SIK3: variants seen among roughly 807,000 people sequenced by gnomAD.
The protein encoded by SIK3 is SIK family kinase 3.
A neutral mutation model predicts 144.2 loss-of-function variants in SIK3; 28 were observed. The ratio of observed to expected loss-of-function variants is 0.19; its 90% CI spans 0.14 to 0.27. SIK3 has a LOEUF of 0.27. Ranked by LOEUF, SIK3 falls within the 10% of genes least tolerant of loss-of-function variation. SIK3 has a pLI of 1.00. For missense variants in SIK3, 1,319 were observed against 1,776.0 expected (o/e 0.74, Z 4.62); for synonymous variants, 686 against 676.3 (o/e 1.01, Z -0.22).
intron 6 of SIK3, among the ~76,000 whole-genome samples, chr11:116,895,284 C>A (rs1004261400): frequency 6.6e-6 from 1 of 152,194 alleles, no homozygotes; most frequent in African/African-American, 2.4e-5. Flanking sequence ...CCCCGGACTG[C>A]ACAGCATTCA....
intron 1 of SIK3, among the ~76,000 whole-genome samples, chr11:117,062,838 T>C (rs1333299588): frequency 6.6e-6 from 1 of 152,150 alleles, no homozygotes; most frequent in Non-Finnish European, 1.5e-5. Flanking sequence ...ACCAATTTAA[T>C]TCCCTCAACC....
At chr11:116,932,183 C>T (rs926238029) in intron 3 of SIK3, among the ~76,000 whole-genome samples, 4 of 152,196 alleles carry the variant, frequency 2.6e-5, no homozygotes, top group African/African-American at 9.6e-5. Flanking sequence ...CCTCATTTAA[C>T]AGCAACTACC....
intron 1 of SIK3, among the ~76,000 whole-genome samples, chr11:116,974,519 C>T (rs1043176937): frequency 3.3e-5 from 5 of 152,082 alleles, no homozygotes; most frequent in East Asian, 1.9e-4. Flanking sequence ...TCCTCCCCAG[C>T]GACTGGGCCT....
chr11:116,878,381 C>CTT lies in SIK3; in HGVS notation c.866-1341_866-1340dup, dbSNP rs35807799. ...CCAAGGCTCCTACTTCTCTCTCTCC[C>CTT]TTTTTTTTTTTTTTTTACATAGAGT... On this transcript the variant is annotated intron_variant, in intron 6 of 24. Coordinates refer to ENST00000445177, the MANE Select transcript of SIK3 (RefSeq NM_001366686.3). Among the ~76,000 whole-genome samples, 420 of 144,282 alleles carry CTT rather than the reference C, an allele frequency of 2.9e-3. 2 individuals are homozygous for CTT. Among genetic ancestry groups the CTT allele is most frequent in the Non-Finnish European group, 3.7e-3 (247 of 66,138 alleles). 94.7% of individuals were successfully genotyped at this position (144,282 alleles called of 152,430 possible).
chr11:116,988,564 T>C (rs926579218), intron 1 of SIK3, among the ~76,000 whole-genome samples: 2 of 151,998 alleles, frequency 1.3e-5, no homozygotes, highest in Admixed American at 1.3e-4. Context: ...GTGAATTGCT[T>C]GAGCTCAGGA....
intron 19 of SIK3, among the ~76,000 whole-genome samples, chr11:116,860,075 T>C (rs1173253421): frequency 6.6e-6 from 1 of 152,082 alleles, no homozygotes; most frequent in Non-Finnish European, 1.5e-5. Context: ...CGAAACCCTG[T>C]CTCTACTAAA....
At chr11:116,860,117 C>T (rs545274) in intron 19 of SIK3, among the ~76,000 whole-genome samples, 22,451 of 151,828 alleles carry the variant, frequency 0.15, 2,197 homozygotes, top group Middle Eastern at 0.23. Flanking sequence ...TGGTGGCGGG[C>T]GCCTGTAATC....
At chr11:116,861,707 C>T in intron 18 of SIK3, 134 bp downstream of exon 18, 1 of 661,948 alleles carries the variant, frequency 1.5e-6, no homozygotes. Flanking sequence ...CTGAAATTTA[C>T]AGTGGTTTCT....
Position 116,873,541 on chromosome 11 carries a change from CA to C in SIK3, c.1676del (p.Leu559ArgfsTer7). 1 of 1,612,972 alleles carries C rather than the reference CA, an allele frequency of 6.2e-7. No homozygotes were observed. Among genetic ancestry groups the C allele is most frequent in the Non-Finnish European group, 8.5e-7 (1 of 1,179,594 alleles). ...GGCGCTTCAGCAGCTGCTGGGCATGCAGTTGGATGTTGGCTCCTCCATCTGA... is the reference window on the plus strand; with the variant it reads ...GGCGCTTCAGCAGCTGCTGGGCATGCGTTGGATGTTGGCTCCTCCATCTGA... Reference protein sequence around the residue: ...RASDGGANIQLHAQQLLKRPR... With the variant: ...RASDGGANIQXHAQQLLKRPR... On this transcript the variant is annotated frameshift_variant, in exon 13 of 25. Transcript: ENST00000445177. LOFTEE classifies it high-confidence loss of function.
intron 1 of SIK3, among the ~76,000 whole-genome samples, chr11:117,021,935 A>C (rs1490070326): frequency 1.7e-5 from 2 of 117,898 alleles, no homozygotes; most frequent in African/African-American, 9.2e-5. Context: ...CTACAAAAAA[A>C]AAAAAAAAAA....
At chr11:116,972,520 T>G (rs190811317) in intron 1 of SIK3, among the ~76,000 whole-genome samples, 480 of 152,298 alleles carry the variant, frequency 3.2e-3, no homozygotes, top group African/African-American at 0.011. Flanking sequence ...CATTTAACCT[T>G]GTACCCAATA....
rs1943904891 is a variant in SIK3, at chr11:116,870,387, A to C, written c.1752T>G (p.Val584=). ...CTGAGCTCTCCTCGTCCACAGGGGT[A>C]ACTGCTGGCACTGCCTGAAGAGAGA... is the stretch of plus-strand genomic sequence containing the variant. ...LVTMTPAVPA[V]TPVDEESSDG... The change falls in exon 14 of 25, where the codon GTT becomes GTG. Residue 584 remains valine (V), a synonymous_variant. Coordinates refer to ENST00000445177, the MANE Select transcript of SIK3 (RefSeq NM_001366686.3). 2 of 1,612,314 alleles carry C rather than the reference A, an allele frequency of 1.2e-6. No individual in the cohort carries two copies. The highest frequency in any genetic ancestry group is 1.7e-6 in the Non-Finnish European group (2 of 1,180,000).
At chr11:117,062,373 G>C (rs1419194478) in intron 1 of SIK3, among the ~76,000 whole-genome samples, 2 of 152,056 alleles carry the variant, frequency 1.3e-5, no homozygotes, top group African/African-American at 4.8e-5. Flanking sequence ...GTAAAAATAT[G>C]TCAAATTTTG....
chr11:117,057,412 T>C (rs984915590), intron 1 of SIK3, among the ~76,000 whole-genome samples: 2 of 152,172 alleles, frequency 1.3e-5, no homozygotes, highest in African/African-American at 4.8e-5. Context: ...GAGTTTAATA[T>C]TTGGAAGCAG....
chr11:117,002,398 A>T (rs1950887544), intron 1 of SIK3, among the ~76,000 whole-genome samples: 1 of 150,694 alleles, frequency 6.6e-6, no homozygotes, highest in South Asian at 2.1e-4. Context: ...AAACAATTGG[A>T]CACCCTTAAG....
At chr11:116,998,999 G>T (rs1196095702) in intron 1 of SIK3, among the ~76,000 whole-genome samples, 1 of 152,106 alleles carries the variant, frequency 6.6e-6, no homozygotes, top group Admixed American at 6.6e-5. Flanking sequence ...ACAAATACAG[G>T]TAGCCTCAAG....
At chr11:117,033,827 C>T (rs1004446464) in intron 1 of SIK3, among the ~76,000 whole-genome samples, 5 of 151,554 alleles carry the variant, frequency 3.3e-5, no homozygotes, top group Admixed American at 2.6e-4. Flanking sequence ...TGATCAGGCT[C>T]AAGGCAAATT....
chr11:117,016,394 GGGAAGGAAGGAAGGAA>G (rs771165423), intron 1 of SIK3, among the ~76,000 whole-genome samples: 19 of 59,328 alleles, frequency 3.2e-4, no homozygotes, highest in Admixed American at 1.3e-3. Flanking sequence ...GAGGGAGGGA[GGGAAGGAAGGAAGGAA>G]GGAAGGAAGG....
chr11:116,958,503 G>A (rs1949228696), intron 1 of SIK3, among the ~76,000 whole-genome samples: 1 of 152,160 alleles, frequency 6.6e-6, no homozygotes, highest in Non-Finnish European at 1.5e-5. Context: ...GGAGATCACA[G>A]TCTAAAAAGG....
Sources: gnomAD v4.1 joint callset for allele counts (sites outside exome capture counted in the v4.1 genomes callset) on GRCh38, gnomAD v4.1.1 for gene constraint, MANE v1.5 for transcripts, NCBI Gene and HGNC (gene_info 2026-07-23, HGNC 2026-07-21) for gene names.